Variants in IQGAP1 observed in about 807,000 individuals in gnomAD.
The protein encoded by IQGAP1 is IQ motif containing GTPase activating protein 1.
In IQGAP1, 66 loss-of-function variants were observed where a neutral mutation model predicts 215.6. The observed-to-expected ratio is 0.31, with a 90% confidence interval of 0.25 to 0.38. The LOEUF is 0.38. IQGAP1 is among the 10% of genes least tolerant of loss of function. The probability of loss-of-function intolerance (pLI) is 1.00; values close to 1 mark genes in which losing one functional copy is unlikely to be tolerated. For missense variants in IQGAP1, 1,712 were observed against 1,997.1 expected (o/e 0.86, Z 2.72); for synonymous variants, 772 against 728.7 (o/e 1.06, Z -0.96).
At chr15:90,434,403 A>C (rs1004486232) in intron 5 of IQGAP1, among the ~76,000 whole-genome samples, 1 of 151,980 alleles carries the variant, frequency 6.6e-6, no homozygotes. Context: ...GCACCATTGC[A>C]CTCCAGCCTG....
intron 2 of IQGAP1, among the ~76,000 whole-genome samples, chr15:90,410,466 G>C (rs1567116903): frequency 1.3e-5 from 2 of 152,134 alleles, no homozygotes; most frequent in African/African-American, 4.8e-5. Context: ...ACTGGATTAA[G>C]AAAATGTGGC....
chr15:90,461,342 C>T (rs1027378709), intron 15 of IQGAP1, among the ~76,000 whole-genome samples: 2 of 151,954 alleles, frequency 1.3e-5, no homozygotes, highest in African/African-American at 4.8e-5. Context: ...GCCAGTGTAC[C>T]AATGTTTTTT....
At chr15:90,456,375 G>A (rs1965680602) in intron 15 of IQGAP1, 60 bp downstream of exon 15, 1 of 1,538,780 alleles carries the variant, frequency 6.5e-7, no homozygotes, top group African/African-American at 1.4e-5. Context: ...TAGAACAAAG[G>A]TAGAGGTAGG....
At chr15:90,476,487 G>T (rs1015559880) in intron 23 of IQGAP1, among the ~76,000 whole-genome samples, 176 bp from the exon 24 acceptor site, 1 of 152,164 alleles carries the variant, frequency 6.6e-6, no homozygotes, top group African/African-American at 2.4e-5. Flanking sequence ...CATAGGAATG[G>T]ATTTGACTGG....
At chr15:90,409,959 G>A (rs546594773) in intron 2 of IQGAP1, among the ~76,000 whole-genome samples, 19 of 152,272 alleles carry the variant, frequency 1.2e-4, no homozygotes, top group Admixed American at 2.0e-4. Flanking sequence ...TTTGAGAAGT[G>A]TCTGTTCATA....
intron 2 of IQGAP1, among the ~76,000 whole-genome samples, chr15:90,421,464 A>G (rs1232888670): frequency 6.8e-6 from 1 of 147,588 alleles, no homozygotes; most frequent in African/African-American, 2.5e-5. Flanking sequence ...CAACAGAGCG[A>G]GACTCCGTTT....
At chr15:90,488,358 A>G (rs1269860933) in intron 33 of IQGAP1, among the ~76,000 whole-genome samples, 1 of 152,212 alleles carries the variant, frequency 6.6e-6, no homozygotes, top group African/African-American at 2.4e-5. Flanking sequence ...AATGCTGTGT[A>G]AATAGTTGTT....
At position 90,454,441 on chromosome 15, in the gene IQGAP1, T is replaced by G. The variant is rs1965650780; in HGVS notation, c.1501T>G (p.Leu501Val). Residue 501 changes from leucine (L) to valine (V), a missense_variant, in exon 14 of 38, where the codon TTG (leucine) becomes GTG (valine). Physicochemically the swap from Leu to Val is conservative, Grantham distance 32. Coordinates refer to ENST00000268182, the MANE Select transcript of IQGAP1 (RefSeq NM_003870.4). ...EENCQRYLDE[L>V]MKLKAQAHAE... ...GGTCTGGGGCAGGTATCTCGATGAG[T>G]TGATGAAACTGAAGGCTCAGGCACA... 6.2e-7 allele frequency: 1 copy of G among 1,613,568 alleles called. No homozygotes were observed. Among genetic ancestry groups the G allele is most frequent in the Non-Finnish European group, 8.5e-7 (1 of 1,179,748 alleles).
intron 9 of IQGAP1, among the ~76,000 whole-genome samples, chr15:90,448,112 G>C (rs1411091657): frequency 1.3e-5 from 2 of 152,208 alleles, no homozygotes; most frequent in East Asian, 3.8e-4. Flanking sequence ...AATGTATTCA[G>C]TGTGAACTTT....
intron 2 of IQGAP1, among the ~76,000 whole-genome samples, chr15:90,394,259 G>A (rs549901679): frequency 1.3e-5 from 2 of 149,856 alleles, no homozygotes; most frequent in African/African-American, 2.5e-5. Context: ...CCATTGGCCT[G>A]GCATCATGGA....
intron 4 of IQGAP1, among the ~76,000 whole-genome samples, chr15:90,432,953 C>T (rs903434648): frequency 6.6e-6 from 1 of 152,180 alleles, no homozygotes; most frequent in Admixed American, 6.5e-5. Flanking sequence ...CTACCTCATT[C>T]ACTAACTCAT....
chr15:90,479,620 C>T (rs1021709544), intron 26 of IQGAP1, among the ~76,000 whole-genome samples: 1 of 151,506 alleles, frequency 6.6e-6, no homozygotes, highest in Non-Finnish European at 1.5e-5. Context: ...GTTGTGCACA[C>T]CTGTAGTTCC....
At position 90,429,150 on chromosome 15, in the gene IQGAP1, C is replaced by T. The variant is rs188363104; in HGVS notation, c.313-439C>T. Among the ~76,000 whole-genome samples the T allele has an allele frequency of 2.6e-5, 4 of 152,136 alleles. No individual in the cohort carries two copies. The East Asian group carries it at 7.7e-4, about 29-fold the overall frequency. On this transcript the variant is annotated intron_variant, in intron 3 of 37. Transcript: ENST00000268182. ...TTACAGGAATGAGCCACCGTCCCAG[C>T]GTGGTATTTTTATACAGCATTTTGT...
intron 13 of IQGAP1, 126 bp from the exon 14 acceptor site, chr15:90,454,302 A>G (rs2070381861): frequency 1.0e-6 from 1 of 994,222 alleles, no homozygotes; most frequent in East Asian, 2.6e-5. Flanking sequence ...TGTTTAAAGT[A>G]ACTGTGCAGT....
At chr15:90,430,957 A>G (rs1278272079) in intron 4 of IQGAP1, among the ~76,000 whole-genome samples, 3 of 148,106 alleles carry the variant, frequency 2.0e-5, no homozygotes, top group Non-Finnish European at 4.5e-5. Context: ...ATATTACAAT[A>G]TAGAATATAT....
rs1310601271 is a variant in IQGAP1 at position 90,500,271 on chromosome 15, A to T, written c.*163A>T. The T allele has an allele frequency of 3.6e-6, 2 of 561,494 alleles. No homozygotes were observed. The highest frequency in any genetic ancestry group is 3.8e-5 in the African/African-American group (2 of 53,314). The allele number at this position is 561,494 out of a possible 1,614,324, so 34.8% of individuals were successfully genotyped here. ...TTTTAACTCCTCTCGCTCTGATGGG[A>T]CATTTGTTACCCTTTTTTCATAGTG... On this transcript the variant is annotated 3_prime_UTR_variant, in exon 38 of 38. Coordinates refer to ENST00000268182, the MANE Select transcript of IQGAP1 (RefSeq NM_003870.4).
At chr15:90,454,879 C>G (rs1341574174) in intron 14 of IQGAP1, among the ~76,000 whole-genome samples, 2 of 152,194 alleles carry the variant, frequency 1.3e-5, no homozygotes, top group Non-Finnish European at 2.9e-5. Context: ...CACAAGACTC[C>G]TCTCACTTCA....
intron 3 of IQGAP1, among the ~76,000 whole-genome samples, chr15:90,427,949 G>GT (rs757699535): frequency 3.9e-5 from 6 of 152,190 alleles, no homozygotes; most frequent in Non-Finnish European, 8.8e-5. Flanking sequence ...TATGTTTTAT[G>GT]TTTAAATTCA....
chr15:90,412,475 C>T (rs1964980746), intron 2 of IQGAP1, among the ~76,000 whole-genome samples: 1 of 152,178 alleles, frequency 6.6e-6, no homozygotes, highest in South Asian at 2.1e-4. Context: ...TGCACATTCT[C>T]TGCCCTTGGC....
Sources: gnomAD v4.1 joint callset for allele counts (sites outside exome capture counted in the v4.1 genomes callset) on GRCh38, gnomAD v4.1.1 for gene constraint, MANE v1.5 for transcripts, NCBI Gene and HGNC (gene_info 2026-07-23, HGNC 2026-07-21) for gene names.